Variants in ATXN1 observed in about 807,000 individuals in gnomAD.
ATXN1 encodes ataxin-1.
A neutral mutation model predicts 56.4 loss-of-function variants in ATXN1; 8 were observed. The ratio of observed to expected loss-of-function variants is 0.14; its 90% CI spans 0.08 to 0.26. ATXN1 has a LOEUF of 0.26. Ranked by LOEUF, ATXN1 falls within the 10% of genes least tolerant of loss-of-function variation. ATXN1 has a pLI of 1.00. For missense variants in ATXN1, 987 were observed against 1,106.5 expected, an observed-to-expected ratio of 0.89 and a Z score of 1.53; for synonymous variants, 514 against 494.6, an observed-to-expected ratio of 1.04 and a Z score of -0.52.
At chr6:16,388,642 G>C (rs1265833370) in intron 6 of ATXN1, among the ~76,000 whole-genome samples, 1 of 152,180 alleles carries the variant, frequency 6.6e-6, no homozygotes, top group Non-Finnish European at 1.5e-5. Context: ...TCAGAAAGCT[G>C]GCATGATTCA....
chr6:16,539,024 AC>A (rs1218310591), intron 4 of ATXN1, among the ~76,000 whole-genome samples: 1 of 151,730 alleles, frequency 6.6e-6, no homozygotes, highest in Non-Finnish European at 1.5e-5. Context: ...CTCACTACTT[AC>A]CCCCACTATC....
intron 6 of ATXN1, among the ~76,000 whole-genome samples, chr6:16,405,162 G>T (rs185785802): frequency 6.6e-6 from 1 of 152,152 alleles, no homozygotes; most frequent in Non-Finnish European, 1.5e-5. Context: ...CAGCACACAC[G>T]ACAGAAAATA....
intron 3 of ATXN1, among the ~76,000 whole-genome samples, chr6:16,586,638 A>G (rs1339182067): frequency 6.6e-6 from 1 of 152,222 alleles, no homozygotes; most frequent in South Asian, 2.1e-4. Context: ...ACTTAAGCCA[A>G]CAGTTCACAG....
intron 4 of ATXN1, among the ~76,000 whole-genome samples, chr6:16,551,047 G>A (rs889128009): frequency 1.3e-5 from 2 of 152,178 alleles, no homozygotes; most frequent in Non-Finnish European, 2.9e-5. Flanking sequence ...TGGCTTTTCA[G>A]AGGGGATAAT....
intron 6 of ATXN1, among the ~76,000 whole-genome samples, chr6:16,423,267 C>T (rs1043893619): frequency 2.0e-5 from 3 of 152,162 alleles, no homozygotes; most frequent in Non-Finnish European, 4.4e-5. Flanking sequence ...TTCTACTACG[C>T]AAGGTCTCAT....
At chr6:16,483,979 G>A (rs1760490143) in intron 6 of ATXN1, among the ~76,000 whole-genome samples, 1 of 152,162 alleles carries the variant, frequency 6.6e-6, no homozygotes, top group Non-Finnish European at 1.5e-5. Context: ...AAAACACACT[G>A]TAACTGGAGT....
intron 6 of ATXN1, among the ~76,000 whole-genome samples, chr6:16,443,935 T>C (rs565417588): frequency 1.3e-5 from 2 of 152,182 alleles, no homozygotes; most frequent in Non-Finnish European, 2.9e-5. Context: ...GCTAACACAG[T>C]GAAACCCCGT....
In ATXN1 at chr6:16,556,962, C is replaced by T. The variant is rs78342056; in HGVS notation, c.-361+28818G>A. Among the ~76,000 whole-genome samples, 156 of 152,074 alleles carry T rather than the reference C, an allele frequency of 1.0e-3. 1 individual carries two copies. The highest frequency in any genetic ancestry group is 3.6e-3 in the African/African-American group (150 of 41,474). Reference sequence around the variant, plus strand: ...AAAGGACAACCAGTAAAAAGGTATCCCATATTTAAATAACAACAAAAATAT... The same window carrying T: ...AAAGGACAACCAGTAAAAAGGTATCTCATATTTAAATAACAACAAAAATAT... On this transcript the variant is annotated intron_variant, in intron 4 of 7. Transcript: ENST00000436367.
intron 6 of ATXN1, among the ~76,000 whole-genome samples, chr6:16,461,978 T>G (rs1350657802): frequency 1.3e-5 from 2 of 152,188 alleles, no homozygotes; most frequent in Non-Finnish European, 2.9e-5. Context: ...TGGATGACCT[T>G]TTCTCACAAA....
chr6:16,425,856 C>T (rs1225719029), intron 6 of ATXN1, among the ~76,000 whole-genome samples: 4 of 152,176 alleles, frequency 2.6e-5, no homozygotes, highest in Non-Finnish European at 5.9e-5. Context: ...TTCCACATCC[C>T]GTAGCAGATG....
At chr6:16,351,900 T>C (rs764097193) in intron 6 of ATXN1, among the ~76,000 whole-genome samples, 3 of 152,196 alleles carry the variant, frequency 2.0e-5, no homozygotes, top group Admixed American at 6.5e-5. Context: ...GATTGGGAAA[T>C]GGGAAGTGAG....
At chr6:16,522,979 A>G (rs1487555067) in intron 4 of ATXN1, among the ~76,000 whole-genome samples, 2 of 152,192 alleles carry the variant, frequency 1.3e-5, no homozygotes, top group African/African-American at 4.8e-5. Context: ...GGTGCCCAAG[A>G]AATCAATTTT....
intron 2 of ATXN1, among the ~76,000 whole-genome samples, chr6:16,749,099 G>A (rs1208033143): frequency 1.3e-5 from 2 of 152,108 alleles, no homozygotes; most frequent in Non-Finnish European, 2.9e-5. Flanking sequence ...ATACACGCAC[G>A]CACAAAAACA....
At chr6:16,454,900 T>G (rs1414782392) in intron 6 of ATXN1, among the ~76,000 whole-genome samples, 1 of 152,232 alleles carries the variant, frequency 6.6e-6, no homozygotes, top group African/African-American at 2.4e-5. Flanking sequence ...AGCTTGGATA[T>G]TATAGCAATT....
intron 6 of ATXN1, among the ~76,000 whole-genome samples, chr6:16,465,328 GTGTC>G (rs1760082626): frequency 6.6e-6 from 1 of 152,198 alleles, no homozygotes; most frequent in South Asian, 2.1e-4. Flanking sequence ...ATGGTGGCAG[GTGTC>G]TGTAGTCCCA....
intron 3 of ATXN1, among the ~76,000 whole-genome samples, chr6:16,624,734 T>C (rs949531162): frequency 5.9e-5 from 9 of 152,172 alleles, no homozygotes; most frequent in Non-Finnish European, 1.3e-4. Context: ...ACTGCTCACA[T>C]TGCAACCTTG....
At chr6:16,331,470 T>C (rs1760991459) in intron 6 of ATXN1, among the ~76,000 whole-genome samples, 1 of 152,202 alleles carries the variant, frequency 6.6e-6, no homozygotes, top group South Asian at 2.1e-4. Context: ...AACTCATGCG[T>C]GAGACCTACT....
intron 2 of ATXN1, among the ~76,000 whole-genome samples, chr6:16,693,946 T>C (rs12204969): frequency 0.1 from 15,193 of 152,224 alleles, 835 homozygotes; most frequent in Middle Eastern, 0.14. Flanking sequence ...ACACTAATTA[T>C]AAAAGTCAAA....
intron 3 of ATXN1, among the ~76,000 whole-genome samples, chr6:16,623,175 C>G (rs1763348971): frequency 6.6e-6 from 1 of 152,052 alleles, no homozygotes; most frequent in Non-Finnish European, 1.5e-5. Context: ...TGCTGGAGAG[C>G]CTCCATGTCT....
Sources: allele counts gnomAD v4.1 joint callset (sites outside exome capture counted in the v4.1 genomes callset), GRCh38; gene constraint gnomAD v4.1.1; transcripts MANE v1.5; gene names NCBI Gene and HGNC (gene_info 2026-07-23, HGNC 2026-07-21).